The following ITIH2 variants were observed in gnomAD, a reference collection of about 807,000 sequenced individuals.
ITIH2 encodes the protein inter-alpha-trypsin inhibitor heavy chain 2, also known as inter-alpha-trypsin inhibitor heavy chain H2.
In ITIH2, 103 loss-of-function variants were observed where a neutral mutation model predicts 104.4. The observed-to-expected ratio is 0.99, with a 90% CI of 0.84 to 1.16. The LOEUF is 1.16. ITIH2 is among the 50% of genes most tolerant of loss of function. The pLI, the probability that ITIH2 is intolerant of heterozygous loss-of-function variation, is 0.00. For missense variants in ITIH2, 1,108 were observed against 1,162.4 expected (o/e 0.95, Z 0.68); for synonymous variants, 436 against 435.4 (o/e 1.00, Z -0.02).
rs1037926613 is a variant in ITIH2 at position 7,734,846 on chromosome 10, G to A, written c.1788-76G>A. Reference sequence around the variant, plus strand: ...GGTTGGACCCCAGCAGTGGTGGGGTGCAGGGTCAGGGAGCTGACTTGCGCT... The same window carrying A: ...GGTTGGACCCCAGCAGTGGTGGGGTACAGGGTCAGGGAGCTGACTTGCGCT... On this transcript the variant is annotated intron_variant, in intron 14 of 20. Transcript: ENST00000358415. 9 of 1,319,626 alleles carry A rather than the reference G, an allele frequency of 6.8e-6. No homozygotes were observed. In the African/African-American group the frequency reaches 1.2e-4, roughly 17 times the overall value. 81.7% of individuals were successfully genotyped at this position (1,319,626 alleles called of 1,614,324 possible).
At chr10:7,738,228 TTA>T (rs1260327341) in intron 15 of ITIH2, among the ~76,000 whole-genome samples, 1 of 109,408 alleles carries the variant, frequency 9.1e-6, no homozygotes, top group African/African-American at 3.5e-5. Flanking sequence ...CTATATAATA[TTA>T]TATATTATAT....
At chr10:7,744,023 C>A in intron 17 of ITIH2, 59 bp from the exon 18 acceptor site, 2 of 1,273,010 alleles carry the variant, frequency 1.6e-6, no homozygotes, top group Non-Finnish European at 1.1e-6. Context: ...AATTATAGTA[C>A]CCACACATGC....
intron 5 of ITIH2, among the ~76,000 whole-genome samples, chr10:7,714,372 C>A (rs575809682): frequency 1.3e-5 from 2 of 151,926 alleles, no homozygotes; most frequent in Admixed American, 6.6e-5. Context: ...CGGGGTTTCA[C>A]CGTGTTGGCC....
At chr10:7,710,360 C>T (rs187819016) in intron 4 of ITIH2, among the ~76,000 whole-genome samples, 65 of 152,334 alleles carry the variant, frequency 4.3e-4, no homozygotes, top group Non-Finnish European at 7.8e-4. Flanking sequence ...CAGTTATCCA[C>T]TTGGAGCCTT....
intron 4 of ITIH2, among the ~76,000 whole-genome samples, chr10:7,712,489 A>T (rs892762517): frequency 9.9e-5 from 15 of 152,222 alleles, no homozygotes; most frequent in African/African-American, 3.4e-4. Context: ...GACCTGATGA[A>T]CCAGTAATGA....
At chr10:7,739,825 G>A (rs1835107147) in intron 16 of ITIH2, among the ~76,000 whole-genome samples, 3 of 152,174 alleles carry the variant, frequency 2.0e-5, no homozygotes, top group South Asian at 2.1e-4. Flanking sequence ...GAAGTTCAAC[G>A]TTGCAGTGAG....
chr10:7,709,252 C>T, intron 4 of ITIH2, 61 bp downstream of exon 4: 1 of 1,480,394 alleles, frequency 6.8e-7, no homozygotes, highest in Non-Finnish European at 9.4e-7. Flanking sequence ...ATCAAAACCC[C>T]TCATAGTTAG....
chr10:7,707,335 C>A, intron 3 of ITIH2, 102 bp downstream of exon 3: 1 of 857,332 alleles, frequency 1.2e-6, no homozygotes. Flanking sequence ...CGAGTATTTA[C>A]CTGACTTTCG....
chr10:7,721,086 G>T, intron 7 of ITIH2, 123 bp downstream of exon 7: 2 of 664,798 alleles, frequency 3.0e-6, no homozygotes, highest in Admixed American at 5.1e-5. Context: ...TGAAGAAATG[G>T]GGATCCCCAA....
chr10:7,712,581 T>C lies in ITIH2; in HGVS notation c.363-600T>C, dbSNP rs185692366. Among the ~76,000 whole-genome samples the C allele has an allele frequency of 9.9e-5, 15 of 152,144 alleles. No homozygotes were observed. The East Asian group carries it at 2.7e-3, about 27-fold the overall frequency. On this transcript the variant is annotated intron_variant, in intron 4 of 20. Coordinates refer to ENST00000358415, the MANE Select transcript of ITIH2 (RefSeq NM_002216.3). ...TACCCAAAGAGAACCATCCTTAATC[T>C]AAAGGATGAAATTCAAAGATGAGGA...
intron 11 of ITIH2, 98 bp from the exon 12 acceptor site, chr10:7,729,854 A>C: frequency 1.4e-6 from 1 of 713,276 alleles, no homozygotes; most frequent in Non-Finnish European, 2.2e-6. Context: ...TGCAGTTTTA[A>C]TCTGGACACA....
intron 14 of ITIH2, among the ~76,000 whole-genome samples, chr10:7,733,208 A>G (rs1355941425): frequency 6.6e-6 from 1 of 152,118 alleles, no homozygotes; most frequent in Non-Finnish European, 1.5e-5. Context: ...ATTTCACATA[A>G]TCATGCAATC....
Position 7,713,121 on chromosome 10 carries a change from A to AG in ITIH2, c.363-56dup, listed in dbSNP as rs1039036382. On this transcript the variant is annotated intron_variant, in intron 4 of 20. Transcript: ENST00000358415. ...GGTGACAGAGCAAGACTCCATCTCG[A>AG]GGGGAAAAAAAAAAAAGATTACTAT... The AG allele has an allele frequency of 3.7e-6, 5 of 1,343,564 alleles. No homozygotes were observed. In the African/African-American group the frequency reaches 5.8e-5, roughly 16 times the overall value. 83.2% of individuals were successfully genotyped at this position (1,343,564 alleles called of 1,614,324 possible). A position where few individuals can be genotyped will look rare whatever the true frequency, so the allele number is the denominator to read the frequency against.
intron 13 of ITIH2, 146 bp from the exon 14 acceptor site, chr10:7,732,192 G>A (rs1312542450): frequency 1.1e-5 from 11 of 1,002,034 alleles, no homozygotes; most frequent in Non-Finnish European, 1.6e-5. Context: ...CCAATCCCAA[G>A]CACAGGAATG....
chr10:7,719,891 T>C (rs1834886040), intron 6 of ITIH2, among the ~76,000 whole-genome samples: 1 of 141,754 alleles, frequency 7.1e-6, no homozygotes, highest in African/African-American at 2.7e-5. Flanking sequence ...CACGGGGACA[T>C]AGGGTGGGGA....
chr10:7,719,803 A>C (rs1834885327), intron 6 of ITIH2, among the ~76,000 whole-genome samples: 1 of 149,744 alleles, frequency 6.7e-6, no homozygotes, highest in Non-Finnish European at 1.5e-5. Context: ...AAAAGAAAAA[A>C]TAGCAGCTAA....
chr10:7,730,195 G>A (rs1834989466), intron 12 of ITIH2, 62 bp downstream of exon 12: 1 of 1,245,030 alleles, frequency 8.0e-7, no homozygotes, highest in African/African-American at 1.5e-5. Flanking sequence ...ACCCATATCT[G>A]ATGCAGGTAT....
intron 14 of ITIH2, among the ~76,000 whole-genome samples, chr10:7,733,599 C>T (rs965391477): frequency 6.6e-6 from 1 of 152,158 alleles, no homozygotes; most frequent in African/African-American, 2.4e-5. Context: ...ATGATGTTCC[C>T]TAAGGAAGGG....
intron 3 of ITIH2, among the ~76,000 whole-genome samples, chr10:7,707,962 ATGTTCAGAGTAGACCATCC>A (rs1834762927): frequency 6.6e-6 from 1 of 152,220 alleles, no homozygotes; most frequent in South Asian, 2.1e-4. Flanking sequence ...GTTCCCTGAG[ATGTTCAGAGTAGACCATCC>A]TGTGGCAAGA....
Sources: allele counts gnomAD v4.1 joint callset (sites outside exome capture counted in the v4.1 genomes callset), GRCh38; gene constraint gnomAD v4.1.1; transcripts MANE v1.5; gene names NCBI Gene and HGNC (gene_info 2026-07-23, HGNC 2026-07-21).